Variants in SDK1 observed in about 807,000 individuals in gnomAD.
SDK1 encodes the protein sidekick cell adhesion molecule 1.
SDK1 carries 157 observed loss-of-function variants against 245.5 expected under a neutral mutation model. The ratio of observed to expected loss-of-function variants is 0.64; its 90% CI spans 0.56 to 0.73. The LOEUF is 0.73. Ranked by LOEUF, SDK1 falls within the 30% of genes least tolerant of loss-of-function variation. The pLI, the probability that SDK1 is intolerant of heterozygous loss-of-function variation, is 0.00. For synonymous variants in SDK1, 1,647 were observed against 1,278.5 expected, an observed-to-expected ratio of 1.29 and a Z score of -6.15; for missense variants, 3,583 against 3,002.3, an observed-to-expected ratio of 1.19 and a Z score of -4.52.
rs201796993 is a variant in SDK1 at position 4,052,177 on chromosome 7, CCCCG to C, written c.2911+348_2911+351del. ...TCACCTGCTTCCATGATCCCCCCCC[CCCCG>C]ACGTCCCCCAGCCCATTCTTTCCTG... On this transcript the variant is annotated intron_variant, in intron 19 of 44. Transcript: ENST00000404826. Among the ~76,000 whole-genome samples, 1,168 of 147,636 alleles carry C rather than the reference CCCCG, an allele frequency of 7.9e-3. 17 individuals carry two copies. The highest frequency in any genetic ancestry group is 0.029 in the South Asian group (124 of 4,228).
intron 1 of SDK1, among the ~76,000 whole-genome samples, chr7:3,580,123 C>T (rs1780432686): frequency 6.6e-6 from 1 of 152,158 alleles, no homozygotes; most frequent in Admixed American, 6.5e-5. Context: ...TTACAAAACA[C>T]TGTTCAAAGA....
chr7:4,095,516 T>C (rs1336209126), intron 22 of SDK1, among the ~76,000 whole-genome samples: 2 of 152,212 alleles, frequency 1.3e-5, no homozygotes, highest in African/African-American at 4.8e-5. Context: ...TTTCAGCTAC[T>C]TTCACCTTCT....
chr7:3,484,266 A>G (rs745807420), intron 1 of SDK1, among the ~76,000 whole-genome samples: 3 of 152,174 alleles, frequency 2.0e-5, no homozygotes, highest in Non-Finnish European at 4.4e-5. Flanking sequence ...TAGGATTTGA[A>G]CTGCATGGGT....
chr7:3,564,820 AAGAG>A (rs1284182164), intron 1 of SDK1, among the ~76,000 whole-genome samples: 2 of 152,098 alleles, frequency 1.3e-5, no homozygotes. Flanking sequence ...GAAAACAGTG[AAGAG>A]AGAGATGTTC....
chr7:3,438,847 A>ATT (rs1562486729), intron 1 of SDK1, among the ~76,000 whole-genome samples: 1 of 110,110 alleles, frequency 9.1e-6, no homozygotes, highest in African/African-American at 3.9e-5. Context: ...CTTTGTATTA[A>ATT]TATTTTTTTT....
rs137911870 is a variant in SDK1 at position 3,945,294 on chromosome 7, C to G, written c.848-5629C>G. ...CTTCGGAATAATAGTGAGTGTTTCA[C>G]TTTATTAAAGTGAAGTCGTCAGTTG... On this transcript the variant is annotated intron_variant, in intron 5 of 44. Coordinates refer to ENST00000404826, the MANE Select transcript of SDK1 (RefSeq NM_152744.4). Among the ~76,000 whole-genome samples the G allele has an allele frequency of 2.0e-4, 31 of 152,246 alleles. No homozygotes were observed. In the East Asian group the frequency reaches 5.8e-3, roughly 29 times the overall value.
chr7:3,355,243 C>T (rs1369504789), intron 1 of SDK1, among the ~76,000 whole-genome samples: 6 of 152,144 alleles, frequency 3.9e-5, no homozygotes, highest in South Asian at 4.1e-4. Context: ...GCGTCATTCA[C>T]GTAGATTATG....
chr7:3,982,547 A>G (rs1170327548), intron 13 of SDK1, among the ~76,000 whole-genome samples: 1 of 152,228 alleles, frequency 6.6e-6, no homozygotes, highest in Admixed American at 6.5e-5. Flanking sequence ...GATACCATTA[A>G]GAATGTTTGT....
At chr7:3,307,295 G>C (rs949463071) in intron 1 of SDK1, among the ~76,000 whole-genome samples, 1 of 151,964 alleles carries the variant, frequency 6.6e-6, no homozygotes, top group Non-Finnish European at 1.5e-5. Flanking sequence ...GACATATTTT[G>C]TCAGTTGGGA....
chr7:3,826,256 C>T (rs906032616), intron 5 of SDK1, among the ~76,000 whole-genome samples: 2 of 152,188 alleles, frequency 1.3e-5, no homozygotes, highest in Non-Finnish European at 2.9e-5. Flanking sequence ...AAGCATTAAC[C>T]ATCAGACAGA....
chr7:3,748,637 T>C (rs80191393), intron 4 of SDK1, among the ~76,000 whole-genome samples: 3,611 of 152,306 alleles, frequency 0.024, 145 homozygotes, highest in African/African-American at 0.084. Context: ...GAAATTCTAA[T>C]ACATGTTCAG....
chr7:3,509,972 A>G (rs1782525225), intron 1 of SDK1, among the ~76,000 whole-genome samples: 2 of 152,194 alleles, frequency 1.3e-5, no homozygotes, highest in African/African-American at 4.8e-5. Flanking sequence ...GTCATGAATA[A>G]CATCGGTGGG....
intron 1 of SDK1, among the ~76,000 whole-genome samples, chr7:3,450,367 A>G (rs565567663): frequency 1.3e-5 from 2 of 152,314 alleles, no homozygotes; most frequent in East Asian, 3.9e-4. Context: ...AGGTATTATT[A>G]AGCCCAGGAT....
chr7:3,494,914 C>A (rs925005161), intron 1 of SDK1, among the ~76,000 whole-genome samples: 1 of 152,220 alleles, frequency 6.6e-6, no homozygotes, highest in Admixed American at 6.5e-5. Context: ...CTCCTTCTCT[C>A]TATCTGCAAC....
chr7:3,431,704 G>C (rs2128584586), intron 1 of SDK1, among the ~76,000 whole-genome samples: 1 of 152,250 alleles, frequency 6.6e-6, no homozygotes, highest in East Asian at 1.9e-4. Context: ...TTGGAGCTCT[G>C]AGATATGAAC....
At chr7:3,914,284 C>T (rs1048479674) in intron 5 of SDK1, among the ~76,000 whole-genome samples, 3 of 152,158 alleles carry the variant, frequency 2.0e-5, no homozygotes, top group Non-Finnish European at 4.4e-5. Flanking sequence ...TTGTGTCTTA[C>T]TGGGTTCATG....
rs150706537 is a variant in SDK1 at position 4,132,979 on chromosome 7, C to A, written c.4228+556C>A. On this transcript the variant is annotated intron_variant, in intron 28 of 44. Coordinates refer to ENST00000404826, the MANE Select transcript of SDK1 (RefSeq NM_152744.4). The stretch of plus-strand genomic sequence containing the variant: ...TCTTCCATTCGTTTGCGGCTCATGG[C>A]GATACCGTTTGTAACCGACCTTCCC... Among the ~76,000 whole-genome samples, 14 of 152,244 alleles carry A rather than the reference C, an allele frequency of 9.2e-5. No homozygotes were observed. In the South Asian group the frequency reaches 1.5e-3, roughly 16 times the overall value.
At chr7:3,633,065 C>T (rs1297524998) in intron 2 of SDK1, among the ~76,000 whole-genome samples, 1 of 151,878 alleles carries the variant, frequency 6.6e-6, no homozygotes, top group Non-Finnish European at 1.5e-5. Flanking sequence ...TTATTTTTAC[C>T]TTAACCCATA....
intron 5 of SDK1, among the ~76,000 whole-genome samples, chr7:3,868,355 G>A (rs534325146): frequency 3.9e-5 from 6 of 152,150 alleles, no homozygotes; most frequent in South Asian, 2.1e-4. Flanking sequence ...ACCATCAAGC[G>A]GACCCTTGAT....
Sources: allele counts gnomAD v4.1 joint callset (sites outside exome capture counted in the v4.1 genomes callset), GRCh38; gene constraint gnomAD v4.1.1; transcripts MANE v1.5; gene names NCBI Gene and HGNC (gene_info 2026-07-23, HGNC 2026-07-21).